Variants in CSMD1 observed in about 807,000 individuals in gnomAD.
CSMD1 encodes the protein CUB and sushi domain-containing protein 1.
A neutral mutation model predicts 417.5 loss-of-function variants in CSMD1; 213 were observed. The ratio of observed to expected loss-of-function variants is 0.51; its 90% confidence interval spans 0.46 to 0.57. The LOEUF (loss-of-function observed/expected upper bound fraction) is 0.57. CSMD1 is among the 20% of genes least tolerant of loss of function. The pLI, the probability that CSMD1 is intolerant of heterozygous loss-of-function variation, is 0.00. For missense variants in CSMD1, 6,923 were observed against 4,529.7 expected (o/e 1.53, Z -15.17); for synonymous variants, 2,862 against 1,736.8 (o/e 1.65, Z -16.11).
chr8:4,192,123 T>C (rs901644662), intron 3 of CSMD1, among the ~76,000 whole-genome samples: 1 of 152,116 alleles, frequency 6.6e-6, no homozygotes, highest in Admixed American at 6.5e-5. Flanking sequence ...TCATCTGCAT[T>C]GCAAATATGA....
chr8:3,569,763 G>A (rs1239484312), intron 10 of CSMD1, among the ~76,000 whole-genome samples: 1 of 152,098 alleles, frequency 6.6e-6, no homozygotes, highest in Admixed American at 6.6e-5. Context: ...AATGGCAATG[G>A]CTGCTGCTTA....
chr8:3,779,002 A>G (rs1223204219), intron 5 of CSMD1, among the ~76,000 whole-genome samples: 5 of 152,180 alleles, frequency 3.3e-5, no homozygotes, highest in Admixed American at 2.6e-4. Context: ...CTAGGCTCAG[A>G]TCAGCTCAGA....
intron 2 of CSMD1, among the ~76,000 whole-genome samples, chr8:4,614,642 C>A (rs1051471661): frequency 6.6e-6 from 1 of 152,110 alleles, no homozygotes; most frequent in East Asian, 1.9e-4. Flanking sequence ...CGTACACACA[C>A]ATACAAACGT....
intron 19 of CSMD1, among the ~76,000 whole-genome samples, chr8:3,368,152 A>C (rs546845338): frequency 1.3e-5 from 2 of 152,290 alleles, no homozygotes; most frequent in Non-Finnish European, 2.9e-5. Flanking sequence ...GATCACTCAT[A>C]ATCTGTGTCT....
At chr8:4,974,535 G>T (rs981138264) in intron 1 of CSMD1, among the ~76,000 whole-genome samples, 1 of 151,968 alleles carries the variant, frequency 6.6e-6, no homozygotes, top group Non-Finnish European at 1.5e-5. Context: ...TAACGTGAGA[G>T]TTAGTTCAGG....
At position 3,163,241 on chromosome 8, in the gene CSMD1, A is replaced by G. The variant is rs1011319253; in HGVS notation, c.5726-964T>C. Among the ~76,000 whole-genome samples, 4 of 152,304 alleles carry G rather than the reference A, an allele frequency of 2.6e-5. No individual in the cohort carries two copies. In the South Asian group the frequency reaches 8.3e-4, roughly 32 times the overall value. ...AACATGTCATGAAGAAATAGTGGAG[A>G]AAGGCTTCTCTTGGTAGGCCAGCTT... On this transcript the variant is annotated intron_variant, in intron 37 of 69. Coordinates refer to ENST00000635120, the MANE Select transcript of CSMD1 (RefSeq NM_033225.6).
chr8:4,310,051 A>C (rs925855959), intron 3 of CSMD1, among the ~76,000 whole-genome samples: 2 of 152,160 alleles, frequency 1.3e-5, no homozygotes, highest in African/African-American at 2.4e-5. Context: ...AGGGTAATGG[A>C]AAGATGAAGT....
At chr8:4,398,258 G>C (rs939934424) in intron 3 of CSMD1, among the ~76,000 whole-genome samples, 3 of 152,116 alleles carry the variant, frequency 2.0e-5, no homozygotes, top group African/African-American at 7.2e-5. Flanking sequence ...TTGTAATATT[G>C]TGGTGTGGTT....
chr8:3,209,179 G>A (rs763348147), intron 30 of CSMD1, among the ~76,000 whole-genome samples: 26 of 152,050 alleles, frequency 1.7e-4, no homozygotes, highest in Non-Finnish European at 3.1e-4. Context: ...GTGCCTGTCC[G>A]TTCTTCCTCA....
chr8:3,345,873 T>G (rs982084021), intron 22 of CSMD1, among the ~76,000 whole-genome samples: 1 of 152,208 alleles, frequency 6.6e-6, no homozygotes, highest in African/African-American at 2.4e-5. Context: ...TTTCCAAAAT[T>G]AATTGCGTTT....
At chr8:4,176,407 C>A (rs1040431647) in intron 3 of CSMD1, among the ~76,000 whole-genome samples, 1 of 152,028 alleles carries the variant, frequency 6.6e-6, no homozygotes, top group Admixed American at 6.6e-5. Flanking sequence ...TCCCTTTTCT[C>A]TTATTTACCA....
At chr8:4,076,756 C>A (rs1217442434) in intron 3 of CSMD1, among the ~76,000 whole-genome samples, 1 of 152,150 alleles carries the variant, frequency 6.6e-6, no homozygotes, top group African/African-American at 2.4e-5. Context: ...TGGGGAATGA[C>A]CTCACATTTC....
chr8:3,333,455 C>T (rs147878431), intron 23 of CSMD1, among the ~76,000 whole-genome samples: 2,015 of 152,288 alleles, frequency 0.013, 43 homozygotes, highest in African/African-American at 0.046. Flanking sequence ...ATTTTCCCAA[C>T]GTTTTTCTCA....
chr8:3,575,000 T>C lies in CSMD1; in HGVS notation c.1289A>G (p.Gln430Arg), dbSNP rs780824214. 1.9e-6 allele frequency: 3 copies of C among 1,613,284 alleles called. No individual in the cohort carries two copies. The highest frequency in any genetic ancestry group is 1.1e-5 in the South Asian group (1 of 91,068). Residue 430 changes from glutamine (Q) to arginine (R), a missense_variant, in exon 10 of 70, where the codon CAG (glutamine) becomes CGG (arginine). By Grantham distance (43) the Gln-to-Arg change is conservative. Transcript: ENST00000635120. The part of the protein sequence containing the change: ...GVITSPNYPV[Q>R]YEDNAHCVWV... Reference sequence around the variant, plus strand: ...CACACAGTGTGCATTATCTTCATACTGAACCGGATAATTAGGGGAGGTAAT... The same window carrying C: ...CACACAGTGTGCATTATCTTCATACCGAACCGGATAATTAGGGGAGGTAAT...
intron 6 of CSMD1, among the ~76,000 whole-genome samples, chr8:3,742,390 T>G (rs960892801): frequency 6.6e-6 from 1 of 152,238 alleles, no homozygotes; most frequent in Non-Finnish European, 1.5e-5. Flanking sequence ...GAACTATAAG[T>G]AAAATTGTAA....
chr8:3,634,452 A>G (rs925367523), intron 7 of CSMD1, among the ~76,000 whole-genome samples: 1 of 152,144 alleles, frequency 6.6e-6, no homozygotes, highest in Non-Finnish European at 1.5e-5. Flanking sequence ...GGGAGAATTA[A>G]TGCTGTCGGC....
At chr8:3,067,279 A>G (rs1186029150) in intron 49 of CSMD1, among the ~76,000 whole-genome samples, 15 of 152,010 alleles carry the variant, frequency 9.9e-5, no homozygotes, top group Non-Finnish European at 1.6e-4. Flanking sequence ...CCATGTACAA[A>G]TCATTACCAG....
intron 3 of CSMD1, among the ~76,000 whole-genome samples, chr8:4,387,569 G>GAAAAAAAAAAA (rs1563120658): frequency 3.0e-4 from 1 of 3,306 alleles, no homozygotes; most frequent in Non-Finnish European, 1.5e-3. Flanking sequence ...ATCCAAACTG[G>GAAAAAAAAAAA]CAAAAAAAAA....
At chr8:3,974,910 A>G (rs1027565522) in intron 5 of CSMD1, among the ~76,000 whole-genome samples, 11 of 152,322 alleles carry the variant, frequency 7.2e-5, no homozygotes, top group Admixed American at 7.2e-4. Flanking sequence ...TTTATCTACT[A>G]CAATAAAATT....
Sources: allele counts gnomAD v4.1 joint callset (sites outside exome capture counted in the v4.1 genomes callset), GRCh38; gene constraint gnomAD v4.1.1; transcripts MANE v1.5; gene names NCBI Gene and HGNC (gene_info 2026-07-23, HGNC 2026-07-21).